The following TP53BP1 variants were observed in gnomAD, a reference collection of about 807,000 sequenced individuals.
TP53BP1 encodes tumor protein p53 binding protein 1.
In TP53BP1, 61 loss-of-function variants were observed where a neutral mutation model predicts 200.8. The observed-to-expected ratio is 0.30, with a 90% CI of 0.25 to 0.38. The LOEUF is 0.38. Ranked by LOEUF, TP53BP1 falls within the 10% of genes least tolerant of loss-of-function variation. The pLI, the probability that TP53BP1 is intolerant of heterozygous loss-of-function variation, is 1.00. For synonymous variants in TP53BP1, 822 were observed against 844.3 expected, an observed-to-expected ratio of 0.97 and a Z score of 0.46; for missense variants, 2,144 against 2,371.9, an observed-to-expected ratio of 0.90 and a Z score of 2.00.
At position 43,469,091 on chromosome 15, in the gene TP53BP1, C is replaced by G. The variant is rs555309086; in HGVS notation, c.1389+767G>C. On this transcript the variant is annotated intron_variant, in intron 11 of 27. Transcript: ENST00000382044. ...GTCCCAATAAAACTACAATAATTCC[C>G]CCACTTAAGGTCTTATAAGAATAGG... Among the ~76,000 whole-genome samples the G allele has an allele frequency of 3.9e-5, 6 of 152,136 alleles. No individual in the cohort carries two copies. In the East Asian group the frequency reaches 1.2e-3, roughly 29 times the overall value.
Position 43,479,915 on chromosome 15 carries a change from T to G in TP53BP1, c.602A>C (p.Gln201Pro). The G allele has an allele frequency of 6.2e-7, 1 of 1,614,190 alleles. No homozygotes were observed. The highest frequency in any genetic ancestry group is 1.3e-5 in the African/African-American group (1 of 75,042). Reference sequence around the variant, plus strand: ...ATAACCAGAGTTGGTGGTTACTGATTGTAGCTGCTCTTTGTCCACTTCATA... The same window carrying G: ...ATAACCAGAGTTGGTGGTTACTGATGGTAGCTGCTCTTTGTCCACTTCATA... ...VPYEVDKEQL[Q>P]SVTTNSGYTR... Residue 201 changes from glutamine (Q) to proline (P), a missense_variant, in exon 6 of 28, where the codon CAA (glutamine) becomes CCA (proline). Transcript: ENST00000382044.
At chr15:43,417,148 C>G (rs921858893) in intron 21 of TP53BP1, 4 of 152,218 alleles carry the variant, frequency 2.6e-5, no homozygotes, top group African/African-American at 9.7e-5. Context: ...AATGAATAAA[C>G]AATTTACAAC....
chr15:43,468,082 G>A lies in TP53BP1; in HGVS notation c.1389+1776C>T, dbSNP rs2046634303. 2.6e-5 allele frequency among the ~76,000 whole-genome samples: 4 copies of A among 151,866 alleles called. No individual in the cohort carries two copies. In the South Asian group the frequency reaches 8.3e-4, roughly 32 times the overall value. Reference sequence around the variant, plus strand: ...TTACAGGCATGAGCCACCACACCTGGTCAGATTTATAACTTTTTTTTTTTT... The same window carrying A: ...TTACAGGCATGAGCCACCACACCTGATCAGATTTATAACTTTTTTTTTTTT... On this transcript the variant is annotated intron_variant, in intron 11 of 27. Transcript: ENST00000382044.
chr15:43,447,335 C>T, intron 13 of TP53BP1, 31 bp downstream of exon 13: 1 of 1,586,744 alleles, frequency 6.3e-7, no homozygotes, highest in Non-Finnish European at 8.5e-7. Flanking sequence ...AGAAATTCTG[C>T]CTTAAATATC....
chr15:43,457,277 T>A, intron 11 of TP53BP1, 59 bp from the exon 12 acceptor site: 1 of 1,396,608 alleles, frequency 7.2e-7, no homozygotes, highest in South Asian at 1.5e-5. Flanking sequence ...ATCTTTTATA[T>A]CGAATCCTTG....
In TP53BP1 at chr15:43,404,362, GGA is replaced by G. The variant is rs748163227; in HGVS notation, c.*3019_*3020del. The G allele has an allele frequency of 6.2e-7, 1 of 1,609,216 alleles. No homozygotes were observed. The highest frequency in any genetic ancestry group is 2.2e-5 in the East Asian group (1 of 44,794). On this transcript the variant is annotated 3_prime_UTR_variant, in exon 28 of 28. Transcript: ENST00000382044. ...CTCCCTCCGCCCCCATCCTCCATATGGAGAGTTGGTGAGCTGAAGTGGAATGA... is the reference window on the plus strand; with the variant it reads ...CTCCCTCCGCCCCCATCCTCCATATGGAGTTGGTGAGCTGAAGTGGAATGA...
chr15:43,496,383 C>T (rs183655980), upstream of TP53BP1, among the ~76,000 whole-genome samples: 15 of 152,234 alleles, frequency 9.9e-5, no homozygotes, highest in East Asian at 2.9e-3. Context: ...AACCATCAAA[C>T]AACAAATCTA....
chr15:43,473,247 G>A (rs887161734), intron 10 of TP53BP1, among the ~76,000 whole-genome samples: 2 of 152,142 alleles, frequency 1.3e-5, no homozygotes, highest in Non-Finnish European at 2.9e-5. Flanking sequence ...ACTGTGGAAG[G>A]GGACCCGAGC....
At chr15:43,458,881 T>C (rs959352028) in intron 11 of TP53BP1, among the ~76,000 whole-genome samples, 1 of 152,152 alleles carries the variant, frequency 6.6e-6, no homozygotes, top group African/African-American at 2.4e-5. Flanking sequence ...ATGCAAAATG[T>C]TACACCCACT....
chr15:43,504,083 G>C (rs552050766), intron 1 of TP53BP1, among the ~76,000 whole-genome samples: 1 of 151,502 alleles, frequency 6.6e-6, no homozygotes, highest in African/African-American at 2.4e-5. Flanking sequence ...CTAGGAGTTC[G>C]AGACCAGCCT....
chr15:43,439,120 A>G (rs1386517013), intron 15 of TP53BP1, among the ~76,000 whole-genome samples: 2 of 152,212 alleles, frequency 1.3e-5, no homozygotes, highest in South Asian at 2.1e-4. Flanking sequence ...TGATGAATAC[A>G]TGGCAGTCCA....
Position 43,492,367 on chromosome 15 carries a change from G to C in TP53BP1, c.109C>G (p.Leu37Val). Residue 37 changes from leucine (L) to valine (V), a missense_variant, in exon 2 of 28, where the codon CTA becomes GTA. By Grantham distance (32) the Leu-to-Val change is conservative (BLOSUM62 1). Coordinates refer to ENST00000382044, the MANE Select transcript of TP53BP1 (RefSeq NM_001141980.3). ...IEDSQPESQV[L>V]EDDSGSHFSM... ...AAGTGAGAACCAGAATCATCCTCTA[G>C]AACCTGGCTTTCAGGCTGAGAATCT... 1 of 1,614,116 alleles carries C rather than the reference G, an allele frequency of 6.2e-7. No individual in the cohort carries two copies. The highest frequency in any genetic ancestry group is 8.5e-7 in the Non-Finnish European group (1 of 1,179,980).
intron 11 of TP53BP1, among the ~76,000 whole-genome samples, chr15:43,467,201 G>A (rs541277656): frequency 6.6e-6 from 1 of 152,072 alleles, no homozygotes; most frequent in South Asian, 2.1e-4. Flanking sequence ...GAGCAGCTGG[G>A]ACTACAGGCA....
In TP53BP1 at chr15:43,415,537, C is replaced by T. The variant is rs750353232; in HGVS notation, c.5089+57G>A. Reference sequence around the variant, plus strand: ...ATATTAAGCTCCATTTTTCCAGCAGCTGACCCTGCATTCTGCCATGGTCTG... The same window carrying T: ...ATATTAAGCTCCATTTTTCCAGCAGTTGACCCTGCATTCTGCCATGGTCTG... On this transcript the variant is annotated intron_variant, in intron 23 of 27. Coordinates refer to ENST00000382044, the MANE Select transcript of TP53BP1 (RefSeq NM_001141980.3). 17 of 1,580,272 alleles carry T rather than the reference C, an allele frequency of 1.1e-5. No individual in the cohort carries two copies. The African/African-American group carries it at 1.8e-4, about 16-fold the overall frequency.
In TP53BP1 at chr15:43,443,054, G is replaced by C. The variant is rs568452084; in HGVS notation, c.3041-1471C>G. Among the ~76,000 whole-genome samples, 3 of 151,672 alleles carry C rather than the reference G, an allele frequency of 2.0e-5. No individual in the cohort carries two copies. The South Asian group carries it at 6.3e-4, about 32-fold the overall frequency. The stretch of plus-strand genomic sequence containing the variant: ...TTGGCCAGGCTGGTCTCGAACTCCT[G>C]ACCTCAGGTGATCCACCCACCTCAG... On this transcript the variant is annotated intron_variant, in intron 14 of 27. Transcript: ENST00000382044.
At chr15:43,445,975 T>C (rs1055352477) in intron 14 of TP53BP1, among the ~76,000 whole-genome samples, 1 of 152,214 alleles carries the variant, frequency 6.6e-6, no homozygotes, top group Non-Finnish European at 1.5e-5. Context: ...CTCAGCATGA[T>C]GTAAAAAGCC....
chr15:43,504,156 T>G (rs1417747049), intron 1 of TP53BP1, among the ~76,000 whole-genome samples: 1 of 152,050 alleles, frequency 6.6e-6, no homozygotes, highest in Non-Finnish European at 1.5e-5. Context: ...AAAACAAAAA[T>G]TTTTTGAGAC....
intron 12 of TP53BP1, among the ~76,000 whole-genome samples, chr15:43,448,833 A>C (rs2046101446): frequency 6.6e-6 from 1 of 152,220 alleles, no homozygotes. Flanking sequence ...AGCTAAAGAA[A>C]CTGTAAAGAG....
In TP53BP1 at chr15:43,492,196, G is replaced by A. The variant is rs576615612; in HGVS notation, c.192+88C>T. On this transcript the variant is annotated intron_variant, in intron 2 of 27. Transcript: ENST00000382044. Reference sequence around the variant, plus strand: ...TTTTCCAATCAACTTTATTGAGAAGGTAATGATCTTCTAAATACTTATGTT... The same window carrying A: ...TTTTCCAATCAACTTTATTGAGAAGATAATGATCTTCTAAATACTTATGTT... The A allele has an allele frequency of 1.3e-5, 20 of 1,486,914 alleles. 1 individual carries two copies. In the South Asian group the frequency reaches 2.0e-4, roughly 15 times the overall value. 92.1% of individuals were successfully genotyped at this position (1,486,914 alleles called of 1,614,324 possible).
Sources: gnomAD v4.1 joint callset for allele counts (sites outside exome capture counted in the v4.1 genomes callset) on GRCh38, gnomAD v4.1.1 for gene constraint, MANE v1.5 for transcripts, NCBI Gene and HGNC (gene_info 2026-07-23, HGNC 2026-07-21) for gene names.